Variants in SGCD observed in about 807,000 individuals in gnomAD.
SGCD encodes delta-sarcoglycan.
In SGCD, 18 loss-of-function variants were observed where a neutral mutation model predicts 36.6. That is an observed-to-expected ratio of 0.49 (90% confidence interval 0.34 to 0.73). The LOEUF (loss-of-function observed/expected upper bound fraction) is 0.73, where lower values mean the gene tolerates loss of function less well. Ranked by LOEUF, SGCD falls within the 30% of genes least tolerant of loss-of-function variation. The pLI is 0.01. For missense variants in SGCD, 387 were observed against 346.7 expected (o/e 1.12, Z -0.92); for synonymous variants, 133 against 130.6 (o/e 1.02, Z -0.12).
At chr5:155,812,332 G>T in the SGCD span, among the ~76,000 whole-genome samples, 1 of 152,302 alleles carries the variant, frequency 6.6e-6, no homozygotes, top group South Asian at 2.1e-4. Flanking sequence ...AAACCTCCCT[G>T]ACTGCACGTC....
intron 3 of SGCD, among the ~76,000 whole-genome samples, chr5:156,448,837 C>T (rs1219869827): frequency 6.8e-6 from 1 of 146,902 alleles, no homozygotes; most frequent in Non-Finnish European, 1.5e-5. Flanking sequence ...CAACCTCTGC[C>T]TCCCTGATTC....
At chr5:156,677,822 A>G (rs150568931) in intron 7 of SGCD, among the ~76,000 whole-genome samples, 158 of 152,286 alleles carry the variant, frequency 1.0e-3, no homozygotes, top group East Asian at 3.7e-3. Flanking sequence ...TCAGTGTCAC[A>G]TTGCATTTCT....
the SGCD span, among the ~76,000 whole-genome samples, chr5:155,754,615 T>C: frequency 1.6e-4 from 24 of 152,236 alleles, no homozygotes; most frequent in Admixed American, 3.9e-4. Flanking sequence ...TGCAGCAATA[T>C]GTTATGGCGT....
In SGCD at chr5:156,608,418, A is replaced by G. The variant is rs1274355554; in HGVS notation, c.502+13367A>G. Reference sequence around the variant, plus strand: ...ACTGTGGTCTGAGAGACAGTTTGTTATAATTTCTGTTCTTTTACATTTGCT... The same window carrying G: ...ACTGTGGTCTGAGAGACAGTTTGTTGTAATTTCTGTTCTTTTACATTTGCT... On this transcript the variant is annotated intron_variant, in intron 6 of 8. Transcript: ENST00000337851. Among the ~76,000 whole-genome samples, 31 of 152,170 alleles carry G rather than the reference A, an allele frequency of 2.0e-4. 1 individual carries two copies. The highest frequency in any genetic ancestry group is 1.8e-3 in the Admixed American group (28 of 15,274).
chr5:155,750,984 A>G, the SGCD span, among the ~76,000 whole-genome samples: 1 of 152,204 alleles, frequency 6.6e-6, no homozygotes, highest in Non-Finnish European at 1.5e-5. Context: ...AGATGAGATG[A>G]TGCTTCCTCT....
chr5:156,480,441 C>T (rs912261865), intron 3 of SGCD, among the ~76,000 whole-genome samples: 2 of 152,212 alleles, frequency 1.3e-5, no homozygotes, highest in South Asian at 2.1e-4. Context: ...TCCCCAGTCT[C>T]TTCTTGAATA....
At chr5:156,524,256 A>T (rs528363858) in intron 4 of SGCD, among the ~76,000 whole-genome samples, 1 of 132,856 alleles carries the variant, frequency 7.5e-6, no homozygotes, top group East Asian at 2.1e-4. Context: ...TTATATATAA[A>T]ACTATAGTTT....
the SGCD span, among the ~76,000 whole-genome samples, chr5:155,756,127 C>T: frequency 6.6e-6 from 1 of 152,186 alleles, no homozygotes; most frequent in Non-Finnish European, 1.5e-5. Context: ...GTGAACTTAA[C>T]TGCCTCAGTT....
intron 2 of SGCD, among the ~76,000 whole-genome samples, 176 bp downstream of exon 2, chr5:156,329,755 C>T (rs897341910): frequency 6.6e-5 from 10 of 152,080 alleles, no homozygotes; most frequent in African/African-American, 1.2e-4. Flanking sequence ...CGGTGGCTCA[C>T]GCCTGTAATC....
chr5:156,472,017 C>T (rs1754992524), intron 3 of SGCD, among the ~76,000 whole-genome samples: 1 of 152,118 alleles, frequency 6.6e-6, no homozygotes, highest in African/African-American at 2.4e-5. Context: ...ATGTCCTCAA[C>T]ATCATTACTC....
At chr5:156,569,654 A>C (rs1759638865) in intron 4 of SGCD, among the ~76,000 whole-genome samples, 1 of 152,062 alleles carries the variant, frequency 6.6e-6, no homozygotes, top group South Asian at 2.1e-4. Context: ...ATTCTAAGCC[A>C]TGCTAAGTGA....
chr5:156,075,301 T>TA, intron 1 of SGCD, among the ~76,000 whole-genome samples: 1 of 152,172 alleles, frequency 6.6e-6, no homozygotes, highest in Non-Finnish European at 1.5e-5. Flanking sequence ...TATTGAATAG[T>TA]AAAACATGCT....
intron 3 of SGCD, among the ~76,000 whole-genome samples, chr5:156,373,096 G>C (rs1770477113): frequency 6.6e-6 from 1 of 152,174 alleles, no homozygotes; most frequent in African/African-American, 2.4e-5. Flanking sequence ...ATGCCATTAA[G>C]AGTTGCTCAT....
intron 3 of SGCD, among the ~76,000 whole-genome samples, chr5:156,290,238 C>G (rs1766722106): frequency 6.6e-6 from 1 of 152,054 alleles, no homozygotes; most frequent in Admixed American, 6.6e-5. Context: ...TAAGTAACTT[C>G]CCAGGTATGT....
chr5:156,588,306 T>C (rs1760578563), intron 4 of SGCD, among the ~76,000 whole-genome samples: 1 of 152,068 alleles, frequency 6.6e-6, no homozygotes, highest in Admixed American at 6.5e-5. Context: ...TCTCATGTCA[T>C]ATTCAGATTA....
chr5:155,785,221 G>C, the SGCD span, among the ~76,000 whole-genome samples: 1 of 151,402 alleles, frequency 6.6e-6, no homozygotes. Context: ...AAGAAATCTT[G>C]AAATGAATGA....
intron 6 of SGCD, among the ~76,000 whole-genome samples, chr5:156,607,584 T>C (rs1761533548): frequency 6.6e-6 from 1 of 152,246 alleles, no homozygotes; most frequent in Admixed American, 6.5e-5. Flanking sequence ...GAGGATTCCC[T>C]CTTTTTCTGT....
chr5:156,127,854 CAAAAAAAAA>C (rs56822746), intron 3 of SGCD, among the ~76,000 whole-genome samples: 3 of 18,440 alleles, frequency 1.6e-4, no homozygotes, highest in African/African-American at 2.1e-4. Flanking sequence ...AACATAAATG[CAAAAAAAAA>C]AAAAAAAAAA....
intron 4 of SGCD, among the ~76,000 whole-genome samples, chr5:156,573,111 T>A (rs1413827024): frequency 6.6e-6 from 1 of 152,206 alleles, no homozygotes; most frequent in Non-Finnish European, 1.5e-5. Flanking sequence ...ATTCATGACT[T>A]TTTATGATCA....
Sources: allele counts gnomAD v4.1 joint callset (sites outside exome capture counted in the v4.1 genomes callset), GRCh38; gene constraint gnomAD v4.1.1; transcripts MANE v1.5; gene names NCBI Gene and HGNC (gene_info 2026-07-23, HGNC 2026-07-21).